DAPK2: variants seen among roughly 807,000 people sequenced by gnomAD.
DAPK2 encodes the protein death associated protein kinase 2.
A neutral mutation model predicts 44.1 loss-of-function variants in DAPK2; 35 were observed. The ratio of observed to expected loss-of-function variants is 0.79; its 90% confidence interval spans 0.61 to 1.05. The LOEUF (loss-of-function observed/expected upper bound fraction) is 1.05. DAPK2 is among the 50% of genes least tolerant of loss of function. The pLI, the probability that DAPK2 is intolerant of heterozygous loss-of-function variation, is 0.00. For synonymous variants in DAPK2, 174 were observed against 182.6 expected, an observed-to-expected ratio of 0.95 and a Z score of 0.38; for missense variants, 453 against 483.2, an observed-to-expected ratio of 0.94 and a Z score of 0.59.
intron 6 of DAPK2, among the ~76,000 whole-genome samples, chr15:63,928,118 A>G (rs1439808296): frequency 6.6e-6 from 1 of 152,200 alleles, no homozygotes; most frequent in African/African-American, 2.4e-5. Flanking sequence ...GAAACTATAG[A>G]TCCATGGTTC....
chr15:64,014,211 C>G (rs940894328), intron 1 of DAPK2, among the ~76,000 whole-genome samples: 1 of 152,208 alleles, frequency 6.6e-6, no homozygotes, highest in Non-Finnish European at 1.5e-5. Context: ...GCGGAGGCAG[C>G]ACTGCTGGGA....
intron 2 of DAPK2, among the ~76,000 whole-genome samples, chr15:63,973,400 G>A (rs1291383780): frequency 1.3e-5 from 2 of 152,220 alleles, no homozygotes; most frequent in Non-Finnish European, 2.9e-5. Context: ...GGGCCTGGAG[G>A]GCAGAGCAAT....
In DAPK2 at chr15:63,923,259, TG is replaced by T; in HGVS notation, c.858+1556del. On this transcript the variant is annotated intron_variant, in intron 8 of 10. Coordinates refer to ENST00000261891, the Ensembl canonical transcript of DAPK2. This position sits in a 1 kb window ranked among gnomAD's most constrained non-coding sequence, Gnocchi z 4.2. Reference sequence around the variant, plus strand: ...TTGGGAGGCATGCTTGAGTGGCATTTGAGAGTGTACTCTCTCAGGTGCTTGG... The same window carrying T: ...TTGGGAGGCATGCTTGAGTGGCATTTAGAGTGTACTCTCTCAGGTGCTTGG... The T allele has an allele frequency of 6.5e-7, 1 of 1,535,968 alleles. No individual in the cohort carries two copies. Among genetic ancestry groups the T allele is most frequent in the Non-Finnish European group, 8.7e-7 (1 of 1,146,750 alleles).
At chr15:63,927,668 G>A (rs577934027) in intron 6 of DAPK2, among the ~76,000 whole-genome samples, 45 of 152,280 alleles carry the variant, frequency 3.0e-4, no homozygotes, top group Non-Finnish European at 1.3e-4. Context: ...GCCTGCCATG[G>A]AGCAGACCTC....
At chr15:63,943,509 C>A (rs1231674302) in intron 3 of DAPK2, among the ~76,000 whole-genome samples, 2 of 152,106 alleles carry the variant, frequency 1.3e-5, no homozygotes, top group African/African-American at 4.8e-5. Context: ...ATCTCTCAGG[C>A]CCCAAAGTTT....
At chr15:64,046,378 CGGG>C (rs2080468014), upstream of DAPK2, 1 of 380,796 alleles carries the variant, frequency 2.6e-6, no homozygotes, top group African/African-American at 2.2e-5. The surrounding 1 kb of genome is among the most constrained non-coding windows in gnomAD (Gnocchi z 5.3). Flanking sequence ...GCGGGCGCGG[CGGG>C]CGCGGCGGGA....
At chr15:63,997,874 G>A (rs927117647) in intron 1 of DAPK2, among the ~76,000 whole-genome samples, 16 of 152,160 alleles carry the variant, frequency 1.1e-4, no homozygotes, top group African/African-American at 3.6e-4. Context: ...GACCCTGGGC[G>A]AGTTTCATCA....
At chr15:63,936,215 G>A (rs964440908) in intron 4 of DAPK2, among the ~76,000 whole-genome samples, 1 of 152,200 alleles carries the variant, frequency 6.6e-6, no homozygotes, top group Non-Finnish European at 1.5e-5. Context: ...AGTTCCTTCT[G>A]TTGAATTTTC....
chr15:63,940,336 A>G (rs2077272857), intron 3 of DAPK2, among the ~76,000 whole-genome samples: 1 of 152,142 alleles, frequency 6.6e-6, no homozygotes, highest in African/African-American at 2.4e-5. Flanking sequence ...ACAAGATGTG[A>G]ACACCCATAG....
intron 1 of DAPK2, chr15:64,029,698 TTGTTAAC>T (rs2079955948): frequency 6.6e-6 from 1 of 152,304 alleles, no homozygotes; most frequent in Admixed American, 6.5e-5. Context: ...AGAATATTTA[TTGTTAAC>T]TGTGATAGTG....
At chr15:63,910,335 G>A (rs766739387) in intron 10 of DAPK2, among the ~76,000 whole-genome samples, 32 of 152,272 alleles carry the variant, frequency 2.1e-4, no homozygotes, top group South Asian at 6.2e-4. Context: ...AGGTCTAGCC[G>A]TGCATCATAA....
intron 1 of DAPK2, among the ~76,000 whole-genome samples, chr15:63,994,055 A>G (rs562566523): frequency 1.8e-4 from 27 of 152,314 alleles, no homozygotes; most frequent in South Asian, 1.0e-3. Context: ...CTCAGGGACT[A>G]TCTTCATGGC....
chr15:63,925,694 A>ACGCACACACACACACT (rs2079231833), intron 7 of DAPK2, among the ~76,000 whole-genome samples: 1 of 151,714 alleles, frequency 6.6e-6, no homozygotes, highest in Non-Finnish European at 1.5e-5. Flanking sequence ...ACACACACAC[A>ACGCACACACACACACT]CACACACACA....
rs183856423 is a variant in DAPK2 at position 63,952,516 on chromosome 15, A to T, written c.454-13155T>A. ...TAGGTTTTGGAGAGAGGAACAGTGG[A>T]TGAGGACAGAAATAGGGCTAAGGCA... On this transcript the variant is annotated intron_variant, in intron 3 of 10. Coordinates refer to ENST00000261891, the Ensembl canonical transcript of DAPK2. Among the ~76,000 whole-genome samples, 286 of 152,258 alleles carry T rather than the reference A, an allele frequency of 1.9e-3. 1 individual carries two copies. The highest frequency in any genetic ancestry group is 6.6e-3 in the African/African-American group (274 of 41,550).
upstream of DAPK2, among the ~76,000 whole-genome samples, chr15:64,041,936 G>A (rs2080363050): frequency 6.6e-6 from 1 of 152,214 alleles, no homozygotes; most frequent in Non-Finnish European, 1.5e-5. Flanking sequence ...TCACCTGCCT[G>A]TGGGTGTCCA....
intron 1 of DAPK2, among the ~76,000 whole-genome samples, chr15:64,034,868 TA>T (rs2080133246): frequency 6.6e-6 from 1 of 152,196 alleles, no homozygotes; most frequent in Non-Finnish European, 1.5e-5. Flanking sequence ...GTTAATATAA[TA>T]TAAGTAAAGA....
intron 2 of DAPK2, among the ~76,000 whole-genome samples, chr15:63,983,220 G>C (rs1019817541): frequency 8.5e-5 from 13 of 152,172 alleles, no homozygotes; most frequent in African/African-American, 3.1e-4. Context: ...CTCCAGCCAG[G>C]AAAAGACCCC....
chr15:63,950,217 G>T (rs143960758), intron 3 of DAPK2, among the ~76,000 whole-genome samples: 182 of 152,248 alleles, frequency 1.2e-3, no homozygotes, highest in African/African-American at 3.9e-3. Context: ...ATTAGAAAGA[G>T]AAAACAATTT....
intron 1 of DAPK2, among the ~76,000 whole-genome samples, chr15:64,005,484 A>G (rs750964446): frequency 4.0e-5 from 6 of 151,728 alleles, no homozygotes; most frequent in Non-Finnish European, 5.9e-5. Flanking sequence ...GCTGGAGAAG[A>G]TGTGGAAAGG....
Sources: gnomAD v4.1 joint callset for allele counts (sites outside exome capture counted in the v4.1 genomes callset) on GRCh38, gnomAD v4.1.1 for gene constraint, Gnocchi (gnomAD v3.1) non-coding constraint, MANE v1.5 for transcripts, NCBI Gene and HGNC (gene_info 2026-07-23, HGNC 2026-07-21) for gene names.